IL7R: variants seen among roughly 807,000 people sequenced by gnomAD.
The protein encoded by IL7R is interleukin 7 receptor.
Under a neutral mutation model 47.0 loss-of-function variants are expected in IL7R, and 38 were observed. The observed-to-expected ratio is 0.81, with a 90% CI of 0.62 to 1.06. The LOEUF is 1.06. Ranked by LOEUF, IL7R falls within the 50% of genes least tolerant of loss-of-function variation. The probability of loss-of-function intolerance (pLI) is 0.00; values close to 1 mark genes in which losing one functional copy is unlikely to be tolerated. For missense variants in IL7R, 633 were observed against 534.8 expected (o/e 1.18, Z -1.81); for synonymous variants, 221 against 199.8 (o/e 1.11, Z -0.89).
intron 2 of IL7R, among the ~76,000 whole-genome samples, chr5:35,864,099 CCA>C (rs1759883795): frequency 6.6e-6 from 1 of 152,056 alleles, no homozygotes; most frequent in African/African-American, 2.4e-5. Context: ...TTGGTTTTTG[CCA>C]GTTTCTGATA....
rs1580865971 is a variant in IL7R at position 35,877,548 on chromosome 5, G to A, written c.*1062G>A. 1.3e-5 allele frequency: 3 copies of A among 233,190 alleles called. No homozygotes were observed. The East Asian group carries it at 1.8e-4, about 14-fold the overall frequency. The allele number at this position is 233,190 out of a possible 1,614,324, so 14.4% of individuals were successfully genotyped here. A position where few individuals can be genotyped will look rare whatever the true frequency, so the allele number is the denominator to read the frequency against. ...TCAGAGGAAACTGTCGCTGACCCTG[G>A]ACATGGGTACGTTTGACGAGTGAGA... On this transcript the variant is annotated 3_prime_UTR_variant, in exon 8 of 8. Transcript: ENST00000303115.
At chr5:35,872,029 C>G (rs1760084733) in intron 4 of IL7R, among the ~76,000 whole-genome samples, 1 of 152,102 alleles carries the variant, frequency 6.6e-6, no homozygotes, top group Admixed American at 6.5e-5. Context: ...CTGCCCCAAA[C>G]CACCTGCTCC....
chr5:35,865,987 C>G (rs1489107949), intron 2 of IL7R, among the ~76,000 whole-genome samples: 2 of 152,100 alleles, frequency 1.3e-5, no homozygotes, highest in East Asian at 1.9e-4. Flanking sequence ...CCTGTCGTGT[C>G]CTGGTCTTAG....
chr5:35,877,770 A>G lies in IL7R; in HGVS notation c.*1284A>G, dbSNP rs977742210. On this transcript the variant is annotated 3_prime_UTR_variant, in exon 8 of 8. Coordinates refer to ENST00000303115, the MANE Select transcript of IL7R (RefSeq NM_002185.5). ...GACGTATTATTAATGCTTGACATAT[A>G]TCATCTTGCCTTTCTTGGTCTAGAC... The G allele has an allele frequency of 4.3e-6, 1 of 233,162 alleles. No individual in the cohort carries two copies. Among genetic ancestry groups the G allele is most frequent in the African/African-American group, 2.2e-5 (1 of 45,348 alleles). The allele number at this position is 233,162 out of a possible 1,614,324, so 14.4% of individuals were successfully genotyped here.
intron 3 of IL7R, among the ~76,000 whole-genome samples, chr5:35,869,981 T>G (rs964143386): frequency 6.6e-6 from 1 of 152,194 alleles, no homozygotes; most frequent in African/African-American, 2.4e-5. Flanking sequence ...AACTCTGCCA[T>G]GTGGGCTGCA....
At chr5:35,873,427 T>C (rs1167654420) in intron 4 of IL7R, 53 bp from the exon 5 acceptor site, 1 of 1,439,858 alleles carries the variant, frequency 6.9e-7, no homozygotes, top group Non-Finnish European at 9.8e-7. Flanking sequence ...TTGGGAGATT[T>C]AGGCAACACC....
rs569418751 is a variant in IL7R at position 35,875,801 on chromosome 5, G to C, written c.877-182G>C. 2.4e-4 allele frequency: 191 copies of C among 784,812 alleles called. 1 individual carries two copies. The African/African-American group carries it at 3.1e-3, about 13-fold the overall frequency. 48.6% of individuals were successfully genotyped at this position (784,812 alleles called of 1,614,324 possible). A position where few individuals can be genotyped will look rare whatever the true frequency, so the allele number is the denominator to read the frequency against. ...TCCCTGGGGCTGGAGGGCACAGCCA[G>C]TGGTCACTTCAAGTCTTGAAGTGTC... On this transcript the variant is annotated intron_variant, in intron 7 of 7. Coordinates refer to ENST00000303115, the MANE Select transcript of IL7R (RefSeq NM_002185.5).
chr5:35,875,645 T>C, intron 7 of IL7R, 58 bp downstream of exon 7: 1 of 1,252,076 alleles, frequency 8.0e-7, no homozygotes. Context: ...TGGCCAAGAA[T>C]GATATTCCAG....
chr5:35,875,808 CT>C, intron 7 of IL7R, 174 bp from the exon 8 acceptor site: 1 of 814,020 alleles, frequency 1.2e-6, no homozygotes, highest in Non-Finnish European at 2.0e-6. Flanking sequence ...CCAGTGGTCA[CT>C]TCAAGTCTTG....
Position 35,856,897 on chromosome 5 carries a change from C to G in IL7R, c.-81C>G. 2.4e-6 allele frequency: 2 copies of G among 824,588 alleles called. No individual in the cohort carries two copies. The highest frequency in any genetic ancestry group is 4.3e-6 in the Non-Finnish European group (2 of 470,304). The allele number at this position is 824,588 out of a possible 1,614,324, so 51.1% of individuals were successfully genotyped here. A position where few individuals can be genotyped will look rare whatever the true frequency, so the allele number is the denominator to read the frequency against. The stretch of plus-strand genomic sequence containing the variant: ...TAGATCTAAGCTTCTCTGTCTTCCT[C>G]CCTCCCTCCCTTCCTCTTACTCTCA... On this transcript the variant is annotated 5_prime_UTR_variant, in exon 1 of 8. Coordinates refer to ENST00000303115, the MANE Select transcript of IL7R (RefSeq NM_002185.5).
intron 2 of IL7R, among the ~76,000 whole-genome samples, chr5:35,865,375 T>C (rs529829778): frequency 6.6e-6 from 1 of 152,240 alleles, no homozygotes; most frequent in Non-Finnish European, 1.5e-5. Flanking sequence ...GACATTTGGC[T>C]TGGTTCCAAG....
chr5:35,861,702 G>A (rs1405890132), intron 2 of IL7R, among the ~76,000 whole-genome samples: 1 of 84,734 alleles, frequency 1.2e-5, no homozygotes, highest in African/African-American at 5.9e-5. Context: ...AAAAGACAAA[G>A]GAAAAGAGTC....
Position 35,856,982 on chromosome 5 carries a change from C to T in IL7R, c.5C>T (p.Thr2Ile). The stretch of plus-strand genomic sequence containing the variant: ...TCTCTCTCTATCTCTCTCAGAATGA[C>T]AATTCTAGGTACAACTTTTGGCATG... M[T>I]ILGTTFGMVF... Residue 2 changes from threonine (T) to isoleucine (I), a missense_variant, in exon 1 of 8, where the codon ACA becomes ATA. Coordinates refer to ENST00000303115, the MANE Select transcript of IL7R (RefSeq NM_002185.5). 1 of 1,586,716 alleles carries T rather than the reference C, an allele frequency of 6.3e-7. No homozygotes were observed. Among genetic ancestry groups the T allele is most frequent in the Non-Finnish European group, 8.6e-7 (1 of 1,156,526 alleles).
intron 7 of IL7R, 149 bp from the exon 8 acceptor site, chr5:35,875,834 C>A: frequency 1.1e-6 from 1 of 926,390 alleles, no homozygotes; most frequent in Non-Finnish European, 1.7e-6. Context: ...GTCTCAGAAG[C>A]TCCAGAAGCA....
rs748733640 is a variant in IL7R at position 35,873,494 on chromosome 5, C to G, written c.552C>G (p.Ser184=). 2.5e-6 allele frequency: 4 copies of G among 1,613,928 alleles called. No homozygotes were observed. The East Asian group carries it at 8.9e-5, about 36-fold the overall frequency. Residue 184 remains serine, a synonymous_variant, in exon 5 of 8, where the codon TCC becomes TCG. Transcript: ENST00000303115. ...DENKWTHVNL[S]STKLTLLQRK... ...CTACTCTCTAGCATGTGAATTTATC[C>G]AGCACAAAGCTGACACTCCTGCAGA...
rs1384002566 is a variant in IL7R at position 35,871,183 on chromosome 5, C to T, written c.507C>T (p.Tyr169=). 2 of 1,612,876 alleles carry T rather than the reference C, an allele frequency of 1.2e-6. No individual in the cohort carries two copies. The highest frequency in any genetic ancestry group is 1.7e-6 in the Non-Finnish European group (2 of 1,178,920). The change falls in exon 4 of 8, where the codon TAC becomes TAT. Residue 169 remains tyrosine (Y), a synonymous_variant. Transcript: ENST00000303115. The part of the protein sequence containing the change: ...YVKVLMHDVA[Y]RQEKDENKWT... ...AAGTTTTAATGCACGATGTAGCTTA[C>T]CGCCAGGAAAAGGATGAAAACAAAT...
chr5:35,866,470 T>C lies in IL7R; in HGVS notation c.222-836T>C, dbSNP rs543688752. On this transcript the variant is annotated intron_variant, in intron 2 of 7. Coordinates refer to ENST00000303115, the MANE Select transcript of IL7R (RefSeq NM_002185.5). ...AGTTTCTAAAATAATTTGTGTCAGA[T>C]TGACACTATTTCTTTCCTTATACAT... 2.0e-5 allele frequency among the ~76,000 whole-genome samples: 3 copies of C among 152,252 alleles called. No individual in the cohort carries two copies. The South Asian group carries it at 6.2e-4, about 32-fold the overall frequency.
chr5:35,868,435 T>C (rs1759993854), intron 3 of IL7R, among the ~76,000 whole-genome samples: 1 of 152,186 alleles, frequency 6.6e-6, no homozygotes, highest in South Asian at 2.1e-4. Flanking sequence ...AAGTTCCATG[T>C]GTGAACAATT....
chr5:35,875,433 A>G (rs756670908), intron 6 of IL7R, 79 bp from the exon 7 acceptor site: 3 of 989,386 alleles, frequency 3.0e-6, no homozygotes, highest in East Asian at 4.8e-5. Flanking sequence ...TCTGATTCCA[A>G]GCTCAGAATA....
Sources: allele counts gnomAD v4.1 joint callset (sites outside exome capture counted in the v4.1 genomes callset), GRCh38; gene constraint gnomAD v4.1.1; transcripts MANE v1.5; gene names NCBI Gene and HGNC (gene_info 2026-07-23, HGNC 2026-07-21).